Variants in TEX38 observed in about 807,000 individuals in gnomAD.
The protein encoded by TEX38 is testis-expressed protein 38.
TEX38 carries 5 observed loss-of-function variants against 2.7 expected under a neutral mutation model. The ratio of observed to expected loss-of-function variants is 1.86; its 90% CI spans 0.97 to 3.90. TEX38 has a LOEUF of 3.90. Among genes scored for constraint, TEX38 ranks in the 30% most tolerant of loss-of-function variants. The pLI is 0.00. For missense variants in TEX38, 218 were observed against 247.9 expected (o/e 0.88, Z 0.81); for synonymous variants, 110 against 103.3 (o/e 1.06, Z -0.39).
intron 1 of TEX38, 23 bp downstream of exon 1, chr1:46,671,994 T>G (rs1676590820): frequency 6.6e-7 from 1 of 1,511,342 alleles, no homozygotes; most frequent in Admixed American, 2.1e-5. Flanking sequence ...CCAGTCCCTG[T>G]CACTGGACTT....
At chr1:46,672,813 C>T in intron 1 of TEX38, 60 bp from the exon 2 acceptor site, 2 of 1,443,388 alleles carry the variant, frequency 1.4e-6, no homozygotes. Flanking sequence ...TGAGAAACAG[C>T]TCAGGCCCCA....
rs746317996 is a variant in TEX38 at position 46,673,129 on chromosome 1, T to A, written c.294T>A (p.Asn98Lys). 1.4e-5 allele frequency: 21 copies of A among 1,551,580 alleles called. No individual in the cohort carries two copies. Among genetic ancestry groups the A allele is most frequent in the Non-Finnish European group, 1.7e-5 (19 of 1,146,962 alleles). Residue 98 changes from asparagine to lysine, a missense_variant, in exon 2 of 2, where the codon AAT becomes AAA. Asn to Lys is a moderately conservative substitution (Grantham distance 94). Coordinates refer to ENST00000334122, the MANE Select transcript of TEX38 (RefSeq NM_001145474.4). ...AVTKTETEVQNPDVLWDLDIP... is the reference protein window; with the variant it reads ...AVTKTETEVQKPDVLWDLDIP... ...CCAAGACTGAGACTGAGGTCCAGAA[T>A]CCAGATGTTCTGTGGGATTTGGACA... is the stretch of plus-strand genomic sequence containing the variant.
upstream of TEX38, among the ~76,000 whole-genome samples, chr1:46,671,437 G>A (rs1191089286): frequency 6.6e-6 from 1 of 152,168 alleles, no homozygotes; most frequent in Non-Finnish European, 1.5e-5. Context: ...TTGACCACTT[G>A]GTTCCCTTGA....
upstream of TEX38, among the ~76,000 whole-genome samples, chr1:46,669,857 C>A (rs1392581778): frequency 6.6e-6 from 1 of 152,104 alleles, no homozygotes; most frequent in Non-Finnish European, 1.5e-5. Context: ...GAAATGAGAC[C>A]AAGAAGGTAT....
upstream of TEX38, chr1:46,669,601 T>C (rs1048783469): frequency 4.7e-6 from 2 of 427,888 alleles, no homozygotes; most frequent in Non-Finnish European, 9.5e-6. Flanking sequence ...TCCTTGTTTA[T>C]ATTAATTCAT....
Position 46,673,260 on chromosome 1 carries a change from G to T in TEX38, c.425G>T (p.Arg142Ile). The T allele has an allele frequency of 6.4e-7, 1 of 1,551,486 alleles. No homozygotes were observed. Among genetic ancestry groups the T allele is most frequent in the Non-Finnish European group, 8.7e-7 (1 of 1,146,932 alleles). ...LQLAPQQPQARSPFPLPIFQE... is the reference protein window; with the variant it reads ...LQLAPQQPQAISPFPLPIFQE... ...CTGGCTCCACAGCAGCCCCAGGCCAGATCCCCATTCCCACTTCCCATCTTT... is the reference window on the plus strand; with the variant it reads ...CTGGCTCCACAGCAGCCCCAGGCCATATCCCCATTCCCACTTCCCATCTTT... Residue 142 changes from arginine (R) to isoleucine (I), a missense_variant, in exon 2 of 2, where the codon AGA (arginine) becomes ATA (isoleucine). Transcript: ENST00000334122.
chr1:46,673,151 G>A lies in TEX38; in HGVS notation c.316G>A (p.Asp106Asn), dbSNP rs1213972596. The A allele has an allele frequency of 6.4e-7, 1 of 1,551,686 alleles. No individual in the cohort carries two copies. The highest frequency in any genetic ancestry group is 1.2e-5 in the South Asian group (1 of 84,060). ...VQNPDVLWDL[D>N]IPEGRSHADQ... The stretch of plus-strand genomic sequence containing the variant: ...GAATCCAGATGTTCTGTGGGATTTG[G>A]ACATCCCCGAAGGCAGGAGCCATGC... The change falls in exon 2 of 2, where the codon GAC becomes AAC. Residue 106 changes from aspartate to asparagine, a missense_variant. Transcript: ENST00000334122.
intron 1 of TEX38, 32 bp from the exon 2 acceptor site, chr1:46,672,841 A>C: frequency 6.6e-7 from 1 of 1,519,702 alleles, no homozygotes; most frequent in Non-Finnish European, 8.9e-7. Flanking sequence ...GCTATCAGCC[A>C]GCATGCCTCT....
At position 46,673,045 on chromosome 1, in the gene TEX38, C is replaced by A. The variant is rs1253423065; in HGVS notation, c.210C>A (p.Asn70Lys). ...ACAGCCCATTGTTGTACTGGATTAA[C>A]AAGCGACGGCGCTACGGCATGAATG... The part of the protein sequence containing the change: ...FTYSPLLYWI[N>K]KRRRYGMNAA... The change falls in exon 2 of 2, where the codon AAC (asparagine) becomes AAA (lysine). Residue 70 changes from asparagine (N) to lysine (K), a missense_variant. Asn to Lys is a moderately conservative substitution (Grantham distance 94). Coordinates refer to ENST00000334122, the MANE Select transcript of TEX38 (RefSeq NM_001145474.4). 6.4e-7 allele frequency: 1 copy of A among 1,551,706 alleles called. No homozygotes were observed. Among genetic ancestry groups the A allele is most frequent in the Non-Finnish European group, 8.7e-7 (1 of 1,146,966 alleles).
At chr1:46,672,016 C>T in intron 1 of TEX38, 45 bp downstream of exon 1, 1 of 1,483,236 alleles carries the variant, frequency 6.7e-7, no homozygotes, top group Non-Finnish European at 9.0e-7. Context: ...TGCCTTAGGG[C>T]TTGGGGACAA....
chr1:46,672,030 C>A (rs2148831481), intron 1 of TEX38, 59 bp downstream of exon 1: 1 of 1,466,732 alleles, frequency 6.8e-7, no homozygotes, highest in Non-Finnish European at 9.1e-7. Context: ...GGGACAAACA[C>A]TCAGGGAAGG....
At position 46,673,098 on chromosome 1, in the gene TEX38, C is replaced by CT; in HGVS notation, c.264dup (p.Val89CysfsTer5). The CT allele has an allele frequency of 6.4e-7, 1 of 1,551,778 alleles. No homozygotes were observed. The highest frequency in any genetic ancestry group is 1.4e-5 in the African/African-American group (1 of 73,174). On this transcript the variant is annotated frameshift_variant, in exon 2 of 2. Coordinates refer to ENST00000334122, the MANE Select transcript of TEX38 (RefSeq NM_001145474.4). LOFTEE classifies it low-confidence loss of function (END_TRUNC). Reference sequence around the variant, plus strand: ...GCCATCAACACGGGCCCTGCCCCTGCTGTCACCAAGACTGAGACTGAGGTC... The same window carrying CT: ...GCCATCAACACGGGCCCTGCCCCTGCTTGTCACCAAGACTGAGACTGAGGTC...
At position 46,673,368 on chromosome 1, in the gene TEX38, C is replaced by T; in HGVS notation, c.533C>T (p.Pro178Leu). The change falls in exon 2 of 2, where the codon CCT becomes CTT. Residue 178 changes from proline to leucine, a missense_variant. Physicochemically the swap from Pro to Leu is moderately conservative, Grantham distance 98. Transcript: ENST00000334122. ...HSVSYPLATCPERNVLFHSLL... is the reference protein window; with the variant it reads ...HSVSYPLATCLERNVLFHSLL... The stretch of plus-strand genomic sequence containing the variant: ...GTCTCCTATCCTTTGGCCACCTGTC[C>T]TGAAAGGAATGTTCTCTTCCATTCC... The T allele has an allele frequency of 6.4e-7, 1 of 1,551,908 alleles. No individual in the cohort carries two copies. The highest frequency in any genetic ancestry group is 2.4e-5 in the East Asian group (1 of 40,918).
At chr1:46,672,116 A>C (rs1235818754) in intron 1 of TEX38, 145 bp downstream of exon 1, 1 of 770,288 alleles carries the variant, frequency 1.3e-6, no homozygotes, top group East Asian at 2.8e-5. Context: ...ACTCTAGAAA[A>C]CTAAGAATTA....
At chr1:46,672,627 C>T (rs1238987097) in intron 1 of TEX38, among the ~76,000 whole-genome samples, 1 of 152,154 alleles carries the variant, frequency 6.6e-6, no homozygotes, top group South Asian at 2.1e-4. Context: ...AGCACATGCC[C>T]CCGCTAGACC....
At chr1:46,671,577 C>T (rs889048061), upstream of TEX38, among the ~76,000 whole-genome samples, 1 of 152,176 alleles carries the variant, frequency 6.6e-6, no homozygotes, top group Non-Finnish European at 1.5e-5. Context: ...CCAGCAACAT[C>T]CGTAAGTACC....
At chr1:46,672,269 A>G in intron 1 of TEX38, among the ~76,000 whole-genome samples, 1 of 144,732 alleles carries the variant, frequency 6.9e-6, no homozygotes, top group South Asian at 2.2e-4. Context: ...TTTTGAGATG[A>G]AGTTTTGCTC....
chr1:46,669,705 T>G (rs990915192), upstream of TEX38, among the ~76,000 whole-genome samples: 1 of 152,020 alleles, frequency 6.6e-6, no homozygotes, highest in Non-Finnish European at 1.5e-5. Flanking sequence ...CCAAGAGAGA[T>G]AGAGATAAGG....
At chr1:46,669,570 T>C (rs1676553555), upstream of TEX38, 2 of 446,326 alleles carry the variant, frequency 4.5e-6, no homozygotes, top group South Asian at 1.6e-5. Context: ...ATAGCAGTTA[T>C]CATTATCTGA....
Sources: allele counts gnomAD v4.1 joint callset (sites outside exome capture counted in the v4.1 genomes callset), GRCh38; gene constraint gnomAD v4.1.1; transcripts MANE v1.5; gene names NCBI Gene and HGNC (gene_info 2026-07-23, HGNC 2026-07-21).